The following RGS9 variants were observed in gnomAD, a reference collection of about 807,000 sequenced individuals.
RGS9 encodes the protein regulator of G-protein signalling 9.
In RGS9, 78 loss-of-function variants were observed where a neutral mutation model predicts 102.0. The ratio of observed to expected loss-of-function variants is 0.76; its 90% confidence interval spans 0.64 to 0.92. RGS9 has a LOEUF of 0.92. RGS9 is among the 40% of genes least tolerant of loss of function. RGS9 has a pLI of 0.00. For missense variants in RGS9, 833 were observed against 866.1 expected, an observed-to-expected ratio of 0.96 and a Z score of 0.48; for synonymous variants, 353 against 318.6, an observed-to-expected ratio of 1.11 and a Z score of -1.15.
intron 7 of RGS9, among the ~76,000 whole-genome samples, chr17:65,167,736 T>A (rs1009217796): frequency 3.9e-5 from 6 of 152,178 alleles, no homozygotes; most frequent in African/African-American, 1.4e-4. Flanking sequence ...ACCCGGAAGT[T>A]CACCCATGCG....
chr17:65,218,422 G>T (rs187093552), intron 17 of RGS9, among the ~76,000 whole-genome samples: 1 of 152,178 alleles, frequency 6.6e-6, no homozygotes, highest in Non-Finnish European at 1.5e-5. Context: ...GTGGTTCCAG[G>T]AATTTTAATC....
chr17:65,161,955 C>T (rs1430084230), intron 6 of RGS9, among the ~76,000 whole-genome samples: 1 of 152,032 alleles, frequency 6.6e-6, no homozygotes, highest in Non-Finnish European at 1.5e-5. Context: ...ACCTCAGCCT[C>T]CCGAAGTGCT....
intron 15 of RGS9, among the ~76,000 whole-genome samples, chr17:65,204,880 G>A (rs1415023331): frequency 6.6e-6 from 1 of 152,198 alleles, no homozygotes; most frequent in Admixed American, 6.5e-5. Flanking sequence ...GGTCTCACCA[G>A]AGATGGGGCT....
chr17:65,214,400 G>A (rs1199927712), intron 17 of RGS9, among the ~76,000 whole-genome samples: 1 of 152,260 alleles, frequency 6.6e-6, no homozygotes, highest in African/African-American at 2.4e-5. Flanking sequence ...GCCGGAGGCA[G>A]GATGCAGTCG....
chr17:65,160,533 C>CA lies in RGS9; in HGVS notation c.313-2dup. On this transcript the variant is annotated splice_polypyrimidine_tract_variant and splice_region_variant and intron_variant, in intron 4 of 18. Coordinates refer to ENST00000262406, the MANE Select transcript of RGS9 (RefSeq NM_003835.4). Reference sequence around the variant, plus strand: ...AGCGTGGTTTCCCTGGTTTCTTTTGCAGACACCGTATTTCTGGCCCACCCA... The same window carrying CA: ...AGCGTGGTTTCCCTGGTTTCTTTTGCAAGACACCGTATTTCTGGCCCACCCA... The CA allele has an allele frequency of 6.2e-7, 1 of 1,614,186 alleles. No homozygotes were observed. Among genetic ancestry groups the CA allele is most frequent in the East Asian group, 2.2e-5 (1 of 44,888 alleles).
chr17:65,169,606 G>C (rs1429560793), intron 8 of RGS9, among the ~76,000 whole-genome samples: 1 of 152,200 alleles, frequency 6.6e-6, no homozygotes, highest in African/African-American at 2.4e-5. Context: ...TCTATATTAT[G>C]TGCAGAGACT....
intron 8 of RGS9, among the ~76,000 whole-genome samples, chr17:65,168,790 C>G (rs992967183): frequency 2.0e-5 from 3 of 152,074 alleles, no homozygotes; most frequent in African/African-American, 7.3e-5. Flanking sequence ...TTGAGCTTCT[C>G]CTTGCTTGGA....
Position 65,137,534 on chromosome 17 carries a change from G to A in RGS9, c.-7G>A. 2 of 1,611,502 alleles carry A rather than the reference G, an allele frequency of 1.2e-6. No homozygotes were observed. Among genetic ancestry groups the A allele is most frequent in the Non-Finnish European group, 1.7e-6 (2 of 1,179,646 alleles). On this transcript the variant is annotated 5_prime_UTR_variant, in exon 1 of 19. Transcript: ENST00000262406. ...TGCTCTGGCTGTGAATCCATCCAGG[G>A]GCCAGGATGACAATCCGACACCAAG...
chr17:65,175,125 G>A (rs1185240249), intron 8 of RGS9, among the ~76,000 whole-genome samples: 1 of 151,764 alleles, frequency 6.6e-6, no homozygotes, highest in Non-Finnish European at 1.5e-5. Context: ...GTGTATGTGA[G>A]TGTGTGTGAG....
chr17:65,201,843 T>A, intron 13 of RGS9, 150 bp from the exon 14 acceptor site: 8 of 653,604 alleles, frequency 1.2e-5, no homozygotes, highest in South Asian at 7.6e-5. Flanking sequence ...AGCATCACAA[T>A]GTGCAATAGC....
intron 3 of RGS9, chr17:65,158,625 T>G (rs911086252): frequency 7.8e-6 from 4 of 510,340 alleles, no homozygotes; most frequent in African/African-American, 1.9e-5. Context: ...TAGCTGGTCT[T>G]GAAAGAAGTG....
chr17:65,152,537 C>T (rs912897640), intron 1 of RGS9, among the ~76,000 whole-genome samples: 4 of 152,078 alleles, frequency 2.6e-5, no homozygotes, highest in Admixed American at 6.6e-5. Context: ...CATTTCTTTT[C>T]TTTTTTAAAA....
In RGS9 at chr17:65,225,478, A is replaced by G; in HGVS notation, c.1884A>G (p.Arg628=). 1 of 1,602,276 alleles carries G rather than the reference A, an allele frequency of 6.2e-7. No individual in the cohort carries two copies. The highest frequency in any genetic ancestry group is 8.5e-7 in the Non-Finnish European group (1 of 1,179,974). The stretch of plus-strand genomic sequence containing the variant: ...AGCTGCCACGATTGAAATCCAAGAG[A>G]GTAGCAAAGTAAGAACCCGAAGGGG... ...GQQLPRLKSK[R]VANFFQIKMD... is the part of the protein sequence containing the mutation. Residue 628 remains arginine (R), a synonymous_variant, in exon 18 of 19, where the codon AGA becomes AGG. Coordinates refer to ENST00000262406, the MANE Select transcript of RGS9 (RefSeq NM_003835.4).
At chr17:65,142,879 G>A (rs1371478821) in intron 1 of RGS9, among the ~76,000 whole-genome samples, 1 of 151,894 alleles carries the variant, frequency 6.6e-6, no homozygotes, top group Non-Finnish European at 1.5e-5. Context: ...ACAAAGCCTG[G>A]CCTGGTTTTC....
At chr17:65,193,502 G>T in intron 11 of RGS9, 41 bp from the exon 12 acceptor site, 3 of 1,251,864 alleles carry the variant, frequency 2.4e-6, no homozygotes, top group Non-Finnish European at 3.5e-6. Flanking sequence ...CATATCTTGG[G>T]TGTCGAGCTT....
At chr17:65,226,235 C>T (rs775613494) in intron 18 of RGS9, among the ~76,000 whole-genome samples, 5 of 152,238 alleles carry the variant, frequency 3.3e-5, no homozygotes, top group Non-Finnish European at 5.9e-5. Flanking sequence ...AGCTCCTACA[C>T]TTACTGAGTT....
intron 9 of RGS9, among the ~76,000 whole-genome samples, chr17:65,184,962 T>A (rs76851450): frequency 6.6e-6 from 1 of 151,946 alleles, no homozygotes; most frequent in African/African-American, 2.4e-5. Context: ...CTCAAACTCC[T>A]GGGCTCAAGC....
Position 65,167,059 on chromosome 17 carries a change from G to T in RGS9, c.501-1141G>T, listed in dbSNP as rs188980048. ...ACAAGTGTGAGCGCGGGTCTCCGTG[G>T]AAATGGTACAGAAGGGGGCCCACGG... On this transcript the variant is annotated intron_variant, in intron 7 of 18. Coordinates refer to ENST00000262406, the MANE Select transcript of RGS9 (RefSeq NM_003835.4). Among the ~76,000 whole-genome samples, 10 of 152,298 alleles carry T rather than the reference G, an allele frequency of 6.6e-5. No homozygotes were observed. In the East Asian group the frequency reaches 1.9e-3, roughly 29 times the overall value.
intron 14 of RGS9, 91 bp downstream of exon 14, chr17:65,202,171 A>G: frequency 1.2e-6 from 1 of 855,360 alleles, no homozygotes; most frequent in South Asian, 1.4e-5. Context: ...TGAGAGGACA[A>G]CAGCCTGGTA....
Sources: gnomAD v4.1 joint callset for allele counts (sites outside exome capture counted in the v4.1 genomes callset) on GRCh38, gnomAD v4.1.1 for gene constraint, MANE v1.5 for transcripts, NCBI Gene and HGNC (gene_info 2026-07-23, HGNC 2026-07-21) for gene names.